Variants in NRG3 observed in about 807,000 individuals in gnomAD.
NRG3 encodes the protein pro-neuregulin-3, membrane-bound isoform.
In NRG3, 31 loss-of-function variants were observed where a neutral mutation model predicts 66.9. That is an observed-to-expected ratio of 0.46 (90% CI 0.35 to 0.63). The LOEUF (loss-of-function observed/expected upper bound fraction) is 0.63. Ranked by LOEUF, NRG3 falls within the 20% of genes least tolerant of loss-of-function variation. The pLI, the probability that NRG3 is intolerant of heterozygous loss-of-function variation, is 0.00. For missense variants in NRG3, 910 were observed against 878.9 expected, an observed-to-expected ratio of 1.04 and a Z score of -0.45; for synonymous variants, 393 against 359.4, an observed-to-expected ratio of 1.09 and a Z score of -1.06.
At chr10:82,760,904 G>A (rs886721400) in intron 3 of NRG3, among the ~76,000 whole-genome samples, 5 of 151,622 alleles carry the variant, frequency 3.3e-5, no homozygotes, top group African/African-American at 1.2e-4. Context: ...AGTATATATT[G>A]TAAAAAAATT....
rs115319232 is a variant in NRG3 at position 82,876,172 on chromosome 10, A to G, written c.1054+10735A>G. On this transcript the variant is annotated intron_variant, in intron 4 of 8. Transcript: ENST00000372141. ...GCAGTGCTGTTCACTGAAGAATAAC[A>G]TAAGACCAATACATCTTTGCTAGAT... is the stretch of plus-strand genomic sequence containing the variant. 6.9e-3 allele frequency among the ~76,000 whole-genome samples: 1,047 copies of G among 152,346 alleles called. 14 individuals carry two copies. Among genetic ancestry groups the G allele is most frequent in the African/African-American group, 0.024 (987 of 41,572 alleles).
intron 4 of NRG3, among the ~76,000 whole-genome samples, chr10:82,937,729 C>G (rs1314783733): frequency 1.3e-5 from 2 of 152,188 alleles, no homozygotes; most frequent in African/African-American, 2.4e-5. Flanking sequence ...ACAGTTTGAA[C>G]AGTTGACTGA....
chr10:82,768,377 A>T (rs1452579407), intron 3 of NRG3, among the ~76,000 whole-genome samples: 2 of 152,096 alleles, frequency 1.3e-5, no homozygotes, highest in Non-Finnish European at 2.9e-5. Flanking sequence ...GAGTTTATAG[A>T]AACTTTTTAT....
chr10:82,736,195 G>T (rs2058145122), intron 2 of NRG3, among the ~76,000 whole-genome samples: 1 of 152,102 alleles, frequency 6.6e-6, no homozygotes, highest in African/African-American at 2.4e-5. Flanking sequence ...TTTCTCAAAA[G>T]ATATGCTTGA....
chr10:82,750,693 CA>C (rs2058828632), intron 3 of NRG3, among the ~76,000 whole-genome samples: 1 of 152,114 alleles, frequency 6.6e-6, no homozygotes, highest in African/African-American at 2.4e-5. Context: ...AATTCACCTA[CA>C]AAAATAATCA....
At chr10:81,881,110 T>G (rs1589332774) in intron 1 of NRG3, among the ~76,000 whole-genome samples, 1 of 152,032 alleles carries the variant, frequency 6.6e-6, no homozygotes, top group Non-Finnish European at 1.5e-5. Context: ...CTTCCTGTAC[T>G]CCCACCTGCC....
chr10:82,967,870 A>G (rs899948790), intron 6 of NRG3, among the ~76,000 whole-genome samples: 1 of 152,210 alleles, frequency 6.6e-6, no homozygotes, highest in African/African-American at 2.4e-5. Flanking sequence ...AAGTATCGGC[A>G]TTCTGCCTAA....
chr10:82,253,429 T>C (rs1234799805), intron 1 of NRG3, among the ~76,000 whole-genome samples: 1 of 152,194 alleles, frequency 6.6e-6, no homozygotes. Flanking sequence ...GTTTATGACA[T>C]ACATTCAGGT....
chr10:82,065,277 A>G (rs2064389922), intron 1 of NRG3, among the ~76,000 whole-genome samples: 1 of 152,166 alleles, frequency 6.6e-6, no homozygotes, highest in South Asian at 2.1e-4. Flanking sequence ...AAAAACACAT[A>G]GACAATTGCA....
chr10:81,898,398 C>A, intron 1 of NRG3, among the ~76,000 whole-genome samples: 1 of 152,206 alleles, frequency 6.6e-6, no homozygotes, highest in East Asian at 1.9e-4. Context: ...CAGCCACGTG[C>A]TGGAAATTCT....
At chr10:82,396,534 G>A (rs116642791) in intron 2 of NRG3, among the ~76,000 whole-genome samples, 523 of 152,230 alleles carry the variant, frequency 3.4e-3, no homozygotes, top group African/African-American at 0.011. Flanking sequence ...CACACTTGCC[G>A]TCTACTCATG....
intron 1 of NRG3, among the ~76,000 whole-genome samples, chr10:82,260,007 G>T (rs2077940374): frequency 1.3e-5 from 2 of 152,062 alleles, no homozygotes; most frequent in South Asian, 2.1e-4. Context: ...TCAGGCTGCA[G>T]CCAAGTATTT....
chr10:82,795,131 A>T (rs1302506512), intron 3 of NRG3, among the ~76,000 whole-genome samples: 1 of 152,258 alleles, frequency 6.6e-6, no homozygotes, highest in African/African-American at 2.4e-5. Flanking sequence ...GATATCTTCA[A>T]ATAAATGATT....
At chr10:82,382,759 A>G (rs761330474) in intron 2 of NRG3, among the ~76,000 whole-genome samples, 4 of 152,038 alleles carry the variant, frequency 2.6e-5, no homozygotes, top group African/African-American at 4.8e-5. Context: ...ATGTATAAAT[A>G]TATTTTAGGC....
At chr10:82,193,303 C>T (rs149409708) in intron 1 of NRG3, among the ~76,000 whole-genome samples, 3,491 of 152,114 alleles carry the variant, frequency 0.023, 132 homozygotes, top group African/African-American at 0.079. Context: ...CCACCATGCC[C>T]GGCTAATTTG....
chr10:82,271,476 G>T (rs1564734290), intron 1 of NRG3, among the ~76,000 whole-genome samples: 1 of 152,044 alleles, frequency 6.6e-6, no homozygotes, highest in Non-Finnish European at 1.5e-5. Flanking sequence ...TATGAATGTT[G>T]TATGGAATAA....
intron 1 of NRG3, among the ~76,000 whole-genome samples, chr10:82,114,116 C>T (rs546259804): frequency 2.6e-5 from 4 of 152,168 alleles, no homozygotes; most frequent in Admixed American, 1.3e-4. Context: ...TTTGATTTAG[C>T]GTAATGTTTT....
intron 1 of NRG3, among the ~76,000 whole-genome samples, chr10:82,173,674 AACACAC>A (rs3037392): frequency 8.2e-5 from 12 of 146,618 alleles, no homozygotes; most frequent in African/African-American, 2.8e-4. Context: ...TGCATATGTG[AACACAC>A]ACACACACAC....
chr10:81,990,594 A>G (rs1003814165), intron 1 of NRG3, among the ~76,000 whole-genome samples: 3 of 152,162 alleles, frequency 2.0e-5, no homozygotes, highest in Non-Finnish European at 4.4e-5. Flanking sequence ...AAGTTTATTA[A>G]CAGCAGCAAG....
Sources: allele counts gnomAD v4.1 joint callset (sites outside exome capture counted in the v4.1 genomes callset), GRCh38; gene constraint gnomAD v4.1.1; transcripts MANE v1.5; gene names NCBI Gene and HGNC (gene_info 2026-07-23, HGNC 2026-07-21).